The following ZDHHC7 variants were observed in gnomAD, a reference collection of about 807,000 sequenced individuals.
The protein encoded by ZDHHC7 is zDHHC palmitoyltransferase 7.
In ZDHHC7, 12 loss-of-function variants were observed where a neutral mutation model predicts 34.1. The observed-to-expected ratio is 0.35, with a 90% CI of 0.23 to 0.57. The LOEUF (loss-of-function observed/expected upper bound fraction) is 0.57, where lower values mean the gene tolerates loss of function less well. ZDHHC7 is among the 20% of genes least tolerant of loss of function. ZDHHC7 has a pLI of 0.84. For missense variants in ZDHHC7, 388 were observed against 402.7 expected (o/e 0.96, Z 0.31); for synonymous variants, 185 against 155.4 (o/e 1.19, Z -1.42).
chr16:84,992,449 G>A (rs1214722483), intron 2 of ZDHHC7, among the ~76,000 whole-genome samples: 2 of 152,216 alleles, frequency 1.3e-5, no homozygotes, highest in African/African-American at 4.8e-5. Flanking sequence ...CTCCAGCCTA[G>A]TGACAGAGTG....
At chr16:84,995,141 G>A (rs538039415) in intron 2 of ZDHHC7, among the ~76,000 whole-genome samples, 21 of 152,300 alleles carry the variant, frequency 1.4e-4, no homozygotes, top group African/African-American at 5.1e-4. Flanking sequence ...AGGGAACCGT[G>A]AAACACTGGG....
intron 1 of ZDHHC7, among the ~76,000 whole-genome samples, chr16:85,008,863 T>C (rs1256682956): frequency 6.6e-6 from 1 of 151,470 alleles, no homozygotes; most frequent in African/African-American, 2.4e-5. Flanking sequence ...CTGACCAACA[T>C]GGAGAAATCC....
At chr16:85,004,647 TG>T (rs1198542677) in intron 1 of ZDHHC7, among the ~76,000 whole-genome samples, 2 of 143,208 alleles carry the variant, frequency 1.4e-5, no homozygotes, top group Admixed American at 7.1e-5. Context: ...ATCACCTCAA[TG>T]GAATGTTACT....
intron 1 of ZDHHC7, among the ~76,000 whole-genome samples, chr16:85,006,464 G>A (rs984116070): frequency 1.4e-4 from 22 of 151,948 alleles, no homozygotes; most frequent in African/African-American, 3.6e-4. Flanking sequence ...CTGTAATCCC[G>A]GCACTTTAGG....
chr16:84,996,957 C>G (rs936803545), intron 1 of ZDHHC7, among the ~76,000 whole-genome samples: 13 of 150,472 alleles, frequency 8.6e-5, no homozygotes, highest in African/African-American at 3.2e-4. Context: ...ACCCACGAGG[C>G]GGAGGTTGCA....
the ZDHHC7 span, among the ~76,000 whole-genome samples, chr16:85,024,497 C>T: frequency 6.6e-6 from 1 of 152,210 alleles, no homozygotes; most frequent in African/African-American, 2.4e-5. Flanking sequence ...TCCCAAAGTG[C>T]TGGGATTAAA....
chr16:84,991,767 G>A (rs1032889080), intron 2 of ZDHHC7, among the ~76,000 whole-genome samples: 2 of 152,130 alleles, frequency 1.3e-5, no homozygotes, highest in African/African-American at 2.4e-5. Flanking sequence ...CCAAAGTGCT[G>A]GGATTACAGG....
intron 4 of ZDHHC7, among the ~76,000 whole-genome samples, chr16:84,980,595 G>C (rs745993508): frequency 6.6e-6 from 1 of 152,050 alleles, no homozygotes. Flanking sequence ...GCTTGAGCCT[G>C]AGAGGCAGAG....
At chr16:84,978,729 G>C (rs1180471531) in intron 5 of ZDHHC7, among the ~76,000 whole-genome samples, 1 of 151,996 alleles carries the variant, frequency 6.6e-6, no homozygotes, top group East Asian at 1.9e-4. Flanking sequence ...AGGCGTGGTG[G>C]TACATGCCTG....
intron 3 of ZDHHC7, among the ~76,000 whole-genome samples, chr16:84,989,207 TC>T (rs1226449347): frequency 6.6e-6 from 1 of 152,182 alleles, no homozygotes; most frequent in African/African-American, 2.4e-5. Flanking sequence ...AAGGTACCAC[TC>T]CCCAGCTGCC....
chr16:85,024,223 G>C, the ZDHHC7 span, among the ~76,000 whole-genome samples: 1 of 122,350 alleles, frequency 8.2e-6, no homozygotes, highest in African/African-American at 3.1e-5. Context: ...TGGTCTCAGA[G>C]TTTTTTGTTT....
intron 3 of ZDHHC7, among the ~76,000 whole-genome samples, chr16:84,983,953 C>T (rs1032359113): frequency 2.2e-5 from 3 of 133,678 alleles, no homozygotes; most frequent in Non-Finnish European, 4.6e-5. Flanking sequence ...GATCACGCCA[C>T]TGCACTCCAG....
At chr16:85,005,704 G>A (rs1232256553) in intron 1 of ZDHHC7, among the ~76,000 whole-genome samples, 1 of 152,174 alleles carries the variant, frequency 6.6e-6, no homozygotes, top group African/African-American at 2.4e-5. Context: ...TCTAAAAGCT[G>A]GTCTCCAATG....
chr16:84,988,591 G>C (rs2072467575), intron 3 of ZDHHC7, among the ~76,000 whole-genome samples: 1 of 152,182 alleles, frequency 6.6e-6, no homozygotes, highest in African/African-American at 2.4e-5. Context: ...GGCTTCTGGG[G>C]CCTTTTCCGC....
intron 1 of ZDHHC7, among the ~76,000 whole-genome samples, chr16:85,007,075 A>G (rs1242170223): frequency 1.6e-5 from 2 of 126,658 alleles, no homozygotes; most frequent in Non-Finnish European, 3.2e-5. Flanking sequence ...TGGGCCCCAT[A>G]TGGAGTCTGG....
At chr16:85,019,264 C>G in the ZDHHC7 span, among the ~76,000 whole-genome samples, 1 of 152,212 alleles carries the variant, frequency 6.6e-6, no homozygotes, top group Non-Finnish European at 1.5e-5. Flanking sequence ...TCACTTACCC[C>G]GTTGACTATT....
intron 2 of ZDHHC7, among the ~76,000 whole-genome samples, chr16:84,994,542 G>T (rs2072551567): frequency 6.6e-6 from 1 of 152,156 alleles, no homozygotes; most frequent in African/African-American, 2.4e-5. Flanking sequence ...TCTTCTAAAG[G>T]CACACATGTG....
chr16:85,003,456 T>G (rs566091925), intron 1 of ZDHHC7, among the ~76,000 whole-genome samples: 4 of 152,246 alleles, frequency 2.6e-5, no homozygotes, highest in Non-Finnish European at 5.9e-5. Context: ...TGATGGCGAC[T>G]GCGCTCCTAA....
chr16:84,993,520 T>C (rs1424548556), intron 2 of ZDHHC7, among the ~76,000 whole-genome samples: 1 of 151,770 alleles, frequency 6.6e-6, no homozygotes, highest in Non-Finnish European at 1.5e-5. Flanking sequence ...CACACACCTA[T>C]AGTCCCAGCT....
Sources: allele counts gnomAD v4.1 joint callset (sites outside exome capture counted in the v4.1 genomes callset), GRCh38; gene constraint gnomAD v4.1.1; transcripts MANE v1.5; gene names NCBI Gene and HGNC (gene_info 2026-07-23, HGNC 2026-07-21).